Variants in KCNQ5 observed in about 807,000 individuals in gnomAD.
KCNQ5 encodes potassium voltage-gated channel subfamily Q member 5.
Under a neutral mutation model 98.2 loss-of-function variants are expected in KCNQ5, and 30 were observed. The ratio of observed to expected loss-of-function variants is 0.31; its 90% CI spans 0.23 to 0.41. The LOEUF (loss-of-function observed/expected upper bound fraction) is 0.41. Among genes scored for constraint, KCNQ5 ranks in the 10% least tolerant of loss-of-function variants. The probability of loss-of-function intolerance (pLI) is 1.00; values close to 1 mark genes in which losing one functional copy is unlikely to be tolerated. For synonymous variants in KCNQ5, 458 were observed against 449.4 expected (o/e 1.02, Z -0.24); for missense variants, 835 against 1,182.5 (o/e 0.71, Z 4.31).
intron 1 of KCNQ5, among the ~76,000 whole-genome samples, chr6:72,793,341 T>A (rs1293406191): frequency 6.6e-6 from 1 of 152,198 alleles, no homozygotes; most frequent in Non-Finnish European, 1.5e-5. Context: ...ACACCATTGA[T>A]GGCAGCACAG....
intron 1 of KCNQ5, among the ~76,000 whole-genome samples, chr6:72,948,665 A>C (rs1304974599): frequency 6.6e-6 from 1 of 152,104 alleles, no homozygotes; most frequent in Non-Finnish European, 1.5e-5. Context: ...TATTTTCTAT[A>C]TATTTCAGTA....
intron 1 of KCNQ5, among the ~76,000 whole-genome samples, chr6:72,633,395 C>T (rs534882223): frequency 5.9e-5 from 9 of 151,930 alleles, no homozygotes; most frequent in East Asian, 1.9e-4. Context: ...AAATCGGAGA[C>T]GACACAAATA....
At chr6:72,934,627 G>T (rs1765825209) in intron 1 of KCNQ5, among the ~76,000 whole-genome samples, 1 of 152,168 alleles carries the variant, frequency 6.6e-6, no homozygotes, top group Non-Finnish European at 1.5e-5. Flanking sequence ...TATCTTTGCA[G>T]GAATCCCCTA....
At chr6:72,752,191 T>C (rs1372347479) in intron 1 of KCNQ5, among the ~76,000 whole-genome samples, 2 of 152,090 alleles carry the variant, frequency 1.3e-5, no homozygotes, top group Non-Finnish European at 2.9e-5. Context: ...CGTTGTCCTT[T>C]TTCATATGGA....
At chr6:73,058,130 TG>T (rs1471531770) in intron 3 of KCNQ5, among the ~76,000 whole-genome samples, 2 of 152,078 alleles carry the variant, frequency 1.3e-5, no homozygotes, top group Non-Finnish European at 2.9e-5. Flanking sequence ...AACCTAAAAC[TG>T]GCCGGGCACG....
Position 73,194,791 on chromosome 6 carries a change from G to T in KCNQ5, c.2176G>T (p.Val726Leu). 1 of 1,614,208 alleles carries T rather than the reference G, an allele frequency of 6.2e-7. No individual in the cohort carries two copies. The highest frequency in any genetic ancestry group is 8.5e-7 in the Non-Finnish European group (1 of 1,180,040). Residue 726 changes from valine (V) to leucine (L), a missense_variant, in exon 14 of 14, where the codon GTG becomes TTG. Val to Leu is a conservative substitution (Grantham distance 32). Coordinates refer to ENST00000370398, the MANE Select transcript of KCNQ5 (RefSeq NM_019842.4). ...AATTAGTCAAAGCGATGGCTCAGCA[G>T]TGGCAGCCACCAACACCATTGCAAA... ...VPISQSDGSA[V>L]AATNTIANQI...
intron 1 of KCNQ5, among the ~76,000 whole-genome samples, chr6:72,687,833 C>T (rs1768030432): frequency 7.0e-6 from 1 of 143,458 alleles, no homozygotes; most frequent in Admixed American, 6.9e-5. Flanking sequence ...TTTTATTGAT[C>T]CCTTTTTTTT....
rs551141218 is a variant in KCNQ5 at position 72,802,209 on chromosome 6, T to C, written c.398+179622T>C. ...ATTGGGGAAGTTCTCCTGGATAATATCCTGCAGAGTGTTTTCCAACTTGGT... is the reference window on the plus strand; with the variant it reads ...ATTGGGGAAGTTCTCCTGGATAATACCCTGCAGAGTGTTTTCCAACTTGGT... On this transcript the variant is annotated intron_variant, in intron 1 of 13. Coordinates refer to ENST00000370398, the MANE Select transcript of KCNQ5 (RefSeq NM_019842.4). Among the ~76,000 whole-genome samples the C allele has an allele frequency of 9.9e-5, 15 of 152,278 alleles. No individual in the cohort carries two copies. In the South Asian group the frequency reaches 2.7e-3, roughly 27 times the overall value.
intron 1 of KCNQ5, among the ~76,000 whole-genome samples, chr6:72,854,291 G>T (rs965559447): frequency 3.3e-5 from 5 of 152,010 alleles, no homozygotes; most frequent in African/African-American, 1.2e-4. Flanking sequence ...AAATTTGGTT[G>T]TATTGAACTT....
At chr6:72,808,229 G>A (rs1038232164) in intron 1 of KCNQ5, among the ~76,000 whole-genome samples, 8 of 152,118 alleles carry the variant, frequency 5.3e-5, no homozygotes, top group Non-Finnish European at 8.8e-5. Context: ...AAGTTGTTAC[G>A]ATTTTGAATA....
intron 1 of KCNQ5, among the ~76,000 whole-genome samples, chr6:72,750,661 T>C (rs1771632399): frequency 6.6e-6 from 1 of 152,044 alleles, no homozygotes; most frequent in Non-Finnish European, 1.5e-5. Context: ...TCAAATATGG[T>C]TCTATTTGAT....
chr6:72,930,345 G>A (rs962178672), intron 1 of KCNQ5, among the ~76,000 whole-genome samples: 5 of 152,014 alleles, frequency 3.3e-5, no homozygotes, highest in African/African-American at 1.2e-4. Flanking sequence ...AACTTCAAAG[G>A]AAGTTTTTCT....
At chr6:72,929,880 A>G (rs1034830567) in intron 1 of KCNQ5, among the ~76,000 whole-genome samples, 9 of 152,198 alleles carry the variant, frequency 5.9e-5, no homozygotes, top group African/African-American at 1.7e-4. Flanking sequence ...TTATGACAGG[A>G]AATATCAAGA....
rs77356886 is a variant in KCNQ5 at position 72,683,353 on chromosome 6, G to T, written c.398+60766G>T. Reference sequence around the variant, plus strand: ...GGGAGCTTGAAGCAAGTGCTTGTTAGCCACATATACTTTTTTTTTTTTTTT... The same window carrying T: ...GGGAGCTTGAAGCAAGTGCTTGTTATCCACATATACTTTTTTTTTTTTTTT... On this transcript the variant is annotated intron_variant, in intron 1 of 13. Coordinates refer to ENST00000370398, the MANE Select transcript of KCNQ5 (RefSeq NM_019842.4). Among the ~76,000 whole-genome samples the T allele has an allele frequency of 8.3e-3, 1,204 of 144,506 alleles. 8 individuals carry two copies. The highest frequency in any genetic ancestry group is 0.013 in the Non-Finnish European group (901 of 67,066). The allele number at this position is 144,506 out of a possible 152,430, so 94.8% of individuals were successfully genotyped here. A position where few individuals can be genotyped will look rare whatever the true frequency, so the allele number is the denominator to read the frequency against.
chr6:72,951,910 G>T lies in KCNQ5; in HGVS notation c.399-51998G>T, dbSNP rs544590405. ...TCCATTAAATTAAAAGAGATTGAGGGAACTGAGTGGAATAGTCATCAACAT... is the reference window on the plus strand; with the variant it reads ...TCCATTAAATTAAAAGAGATTGAGGTAACTGAGTGGAATAGTCATCAACAT... On this transcript the variant is annotated intron_variant, in intron 1 of 13. Coordinates refer to ENST00000370398, the MANE Select transcript of KCNQ5 (RefSeq NM_019842.4). Among the ~76,000 whole-genome samples the T allele has an allele frequency of 3.9e-5, 6 of 152,240 alleles. No individual in the cohort carries two copies. The South Asian group carries it at 1.2e-3, about 32-fold the overall frequency.
intron 1 of KCNQ5, among the ~76,000 whole-genome samples, chr6:72,701,656 T>C (rs1355575231): frequency 1.3e-5 from 2 of 151,890 alleles, no homozygotes. Context: ...CATAACTCAC[T>C]GCCTCAAACT....
At chr6:73,113,206 T>C (rs1177945206) in intron 7 of KCNQ5, among the ~76,000 whole-genome samples, 4 of 152,258 alleles carry the variant, frequency 2.6e-5, no homozygotes, top group African/African-American at 7.2e-5. Flanking sequence ...TAAGTTTTTC[T>C]CTTTACTGTT....
intron 1 of KCNQ5, among the ~76,000 whole-genome samples, chr6:72,702,683 T>C (rs1160589677): frequency 6.6e-6 from 1 of 152,176 alleles, no homozygotes; most frequent in Non-Finnish European, 1.5e-5. Context: ...ACACAGAATA[T>C]TCAGATACAG....
chr6:73,013,477 T>C (rs538273858), intron 2 of KCNQ5, among the ~76,000 whole-genome samples: 5 of 152,280 alleles, frequency 3.3e-5, no homozygotes, highest in African/African-American at 1.2e-4. Flanking sequence ...AAAGCTGGTG[T>C]TAATTTCCTA....
Sources: gnomAD v4.1 joint callset for allele counts (sites outside exome capture counted in the v4.1 genomes callset) on GRCh38, gnomAD v4.1.1 for gene constraint, MANE v1.5 for transcripts, NCBI Gene and HGNC (gene_info 2026-07-23, HGNC 2026-07-21) for gene names.